Variants in SGIP1 observed in about 807,000 individuals in gnomAD.
SGIP1 encodes the protein SH3GL interacting endocytic adaptor 1.
SGIP1 carries 38 observed loss-of-function variants against 107.5 expected under a neutral mutation model. The ratio of observed to expected loss-of-function variants is 0.35; its 90% CI spans 0.27 to 0.46. The LOEUF (loss-of-function observed/expected upper bound fraction) is 0.46. Ranked by LOEUF, SGIP1 falls within the 20% of genes least tolerant of loss-of-function variation. SGIP1 has a pLI of 1.00. For missense variants in SGIP1, 929 were observed against 1,019.5 expected (o/e 0.91, Z 1.21); for synonymous variants, 365 against 366.1 (o/e 1.00, Z 0.03).
chr1:66,556,637 TC>T (rs1305613197), intron 1 of SGIP1, among the ~76,000 whole-genome samples: 6 of 151,650 alleles, frequency 4.0e-5, no homozygotes, highest in Admixed American at 2.6e-4. Context: ...GTCTCCAGAA[TC>T]CCCCACCCCC....
At chr1:66,666,879 T>G (rs1236858437) in intron 8 of SGIP1, 1 of 152,264 alleles carries the variant, frequency 6.6e-6, no homozygotes. Context: ...ACAGTTTTCG[T>G]CATTCCCGAC....
chr1:66,634,631 C>T (rs562809739), intron 3 of SGIP1, among the ~76,000 whole-genome samples: 2 of 152,244 alleles, frequency 1.3e-5, no homozygotes, highest in East Asian at 3.9e-4. Context: ...CACTTTGTTA[C>T]TTAATTAGAA....
At chr1:66,554,343 T>A (rs1457363389) in intron 1 of SGIP1, among the ~76,000 whole-genome samples, 2 of 152,162 alleles carry the variant, frequency 1.3e-5, no homozygotes, top group Non-Finnish European at 2.9e-5. Context: ...TCTCCAAGGT[T>A]CAGACAGAAT....
At chr1:66,721,864 G>A (rs1286160976) in intron 19 of SGIP1, among the ~76,000 whole-genome samples, 1 of 151,972 alleles carries the variant, frequency 6.6e-6, no homozygotes, top group Non-Finnish European at 1.5e-5. Context: ...GATCTAATTG[G>A]TCTCCCTTCT....
intron 1 of SGIP1, among the ~76,000 whole-genome samples, chr1:66,538,008 A>G (rs541703734): frequency 1.3e-5 from 2 of 152,180 alleles, no homozygotes; most frequent in African/African-American, 2.4e-5. Flanking sequence ...TCTGTTTTAA[A>G]TATGAATATT....
At chr1:66,728,773 T>TA (rs1044219701) in intron 19 of SGIP1, among the ~76,000 whole-genome samples, 1 of 151,832 alleles carries the variant, frequency 6.6e-6, no homozygotes, top group Non-Finnish European at 1.5e-5. Context: ...TATGCAGCCA[T>TA]AAAAAAAGAA....
At chr1:66,578,377 G>A (rs928755043) in intron 1 of SGIP1, among the ~76,000 whole-genome samples, 4 of 152,258 alleles carry the variant, frequency 2.6e-5, no homozygotes, top group East Asian at 1.9e-4. Flanking sequence ...TAAGCTGCTC[G>A]GGAAGATCAA....
At chr1:66,606,509 C>T (rs1473958423) in intron 1 of SGIP1, among the ~76,000 whole-genome samples, 1 of 152,092 alleles carries the variant, frequency 6.6e-6, no homozygotes, top group African/African-American at 2.4e-5. Flanking sequence ...ACTAGACCAG[C>T]CAGAGGAAAA....
chr1:66,623,478 T>C (rs2071729897), intron 1 of SGIP1, among the ~76,000 whole-genome samples: 5 of 152,178 alleles, frequency 3.3e-5, no homozygotes, highest in Admixed American at 3.3e-4. Context: ...CTCAAACTCC[T>C]GACCTCAAGT....
chr1:66,593,740 G>A (rs1345105915), intron 1 of SGIP1, among the ~76,000 whole-genome samples: 1 of 152,102 alleles, frequency 6.6e-6, no homozygotes, highest in Non-Finnish European at 1.5e-5. Context: ...ATGTATTCCA[G>A]TCTGGGCAAC....
intron 1 of SGIP1, among the ~76,000 whole-genome samples, chr1:66,624,359 G>A (rs551864628): frequency 1.3e-5 from 2 of 152,254 alleles, no homozygotes; most frequent in African/African-American, 4.8e-5. Context: ...GGGAGAAGGT[G>A]TTTCTTAATA....
intron 2 of SGIP1, among the ~76,000 whole-genome samples, chr1:66,632,427 A>T (rs2074956527): frequency 6.6e-6 from 1 of 152,226 alleles, no homozygotes; most frequent in African/African-American, 2.4e-5. Context: ...TAAAGTTGAA[A>T]AATACCACAG....
At chr1:66,686,176 A>T (rs35886191) in intron 15 of SGIP1, among the ~76,000 whole-genome samples, 41,070 of 152,184 alleles carry the variant, frequency 0.27, 7,148 homozygotes, top group East Asian at 0.78. Flanking sequence ...ATGGTCCCAG[A>T]TCTGTTGGAT....
Position 66,749,269 on chromosome 1 carries a change from C to A in SGIP1, c.*6174C>A, listed in dbSNP as rs1167942032. ...AATGCCAGTGAATAATCTCCAGTAACGTTTTACTAAACAGCTTTAGGAAAC... is the reference window on the plus strand; with the variant it reads ...AATGCCAGTGAATAATCTCCAGTAAAGTTTTACTAAACAGCTTTAGGAAAC... On this transcript the variant is annotated 3_prime_UTR_variant, in exon 25 of 25. Transcript: ENST00000371037. Among the ~76,000 whole-genome samples, 1 of 151,920 alleles carries A rather than the reference C, an allele frequency of 6.6e-6. No homozygotes were observed. The highest frequency in any genetic ancestry group is 2.4e-5 in the African/African-American group (1 of 41,406).
Position 66,741,379 on chromosome 1 carries a change from A to G in SGIP1, c.2407A>G (p.Ile803Val). ...AGGAAGCACCCTTTCTGGCTGTGAC[A>G]TTGAACTTGTTGGAGCAGGGTATCG... ...SEGSTLSGCD[I>V]ELVGAGYRFS... is the part of the protein sequence containing the mutation. The change falls in exon 24 of 25, where the codon ATT (isoleucine) becomes GTT (valine). Residue 803 changes from isoleucine to valine, a missense_variant. Physicochemically the swap from Ile to Val is conservative, Grantham distance 29. Transcript: ENST00000371037. 6 of 1,610,698 alleles carry G rather than the reference A, an allele frequency of 3.7e-6. No homozygotes were observed. Among genetic ancestry groups the G allele is most frequent in the Non-Finnish European group, 5.1e-6 (6 of 1,178,166 alleles).
intron 1 of SGIP1, among the ~76,000 whole-genome samples, chr1:66,594,316 T>C (rs952790154): frequency 6.6e-6 from 1 of 152,240 alleles, no homozygotes; most frequent in Admixed American, 6.5e-5. Flanking sequence ...GGGAAACTTG[T>C]TCCAATTCAA....
intron 1 of SGIP1, among the ~76,000 whole-genome samples, chr1:66,536,922 C>G (rs1214964663): frequency 6.6e-6 from 1 of 152,200 alleles, no homozygotes; most frequent in Admixed American, 6.5e-5. Context: ...AAAGGCACTT[C>G]TCTACTTTGT....
rs1273384342 is a variant in SGIP1, at chr1:66,750,982, A to T, written c.*7887A>T. 2.6e-5 allele frequency among the ~76,000 whole-genome samples: 4 copies of T among 152,212 alleles called. No homozygotes were observed. Among genetic ancestry groups the T allele is most frequent in the Non-Finnish European group, 4.4e-5 (3 of 68,042 alleles). On this transcript the variant is annotated 3_prime_UTR_variant, in exon 25 of 25. Transcript: ENST00000371037. Reference sequence around the variant, plus strand: ...ATTTTCCCAATCACCTATTTCACAAAATCCTGAATATGCAATTATTTATTA... The same window carrying T: ...ATTTTCCCAATCACCTATTTCACAATATCCTGAATATGCAATTATTTATTA...
rs71242802 is a variant in SGIP1, at chr1:66,675,541, C to CTTTTTTTTTT, written c.647-1454_647-1445dup. Reference sequence around the variant, plus strand: ...GTTGTTTTTCTTTTTCTTTTTCTTTCTTTTTTTTTTTTTTTTTTGACAGAA... The same window carrying CTTTTTTTTTT: ...GTTGTTTTTCTTTTTCTTTTTCTTTCTTTTTTTTTTTTTTTTTTTTTTTTTTTTGACAGAA... On this transcript the variant is annotated intron_variant, in intron 12 of 24. Transcript: ENST00000371037. Among the ~76,000 whole-genome samples the CTTTTTTTTTT allele has an allele frequency of 1.2e-3, 135 of 112,342 alleles. 2 individuals are homozygous for CTTTTTTTTTT. Among genetic ancestry groups the CTTTTTTTTTT allele is most frequent in the Non-Finnish European group, 1.5e-3 (90 of 59,774 alleles). The allele number at this position is 112,342 out of a possible 152,430, so 73.7% of individuals were successfully genotyped here.
Sources: gnomAD v4.1 joint callset for allele counts (sites outside exome capture counted in the v4.1 genomes callset) on GRCh38, gnomAD v4.1.1 for gene constraint, MANE v1.5 for transcripts, NCBI Gene and HGNC (gene_info 2026-07-23, HGNC 2026-07-21) for gene names.